CSNK1A1: variants seen among roughly 807,000 people sequenced by gnomAD.
CSNK1A1 encodes the protein casein kinase I isoform alpha.
A neutral mutation model predicts 46.1 loss-of-function variants in CSNK1A1; 7 were observed. The ratio of observed to expected loss-of-function variants is 0.15; its 90% CI spans 0.09 to 0.29. The LOEUF is 0.29. CSNK1A1 is among the 10% of genes least tolerant of loss of function. CSNK1A1 has a pLI of 1.00. For synonymous variants in CSNK1A1, 137 were observed against 141.5 expected (o/e 0.97, Z 0.23); for missense variants, 96 against 417.1 (o/e 0.23, Z 6.71).
At position 149,544,758 on chromosome 5, in the gene CSNK1A1, T is replaced by TATATATATATACAC. The variant is rs150989849; in HGVS notation, c.230+5316_230+5317insGTGTATATATATAT. ...AGCTTTATATATATATATATATATA[T>TATATATATATACAC]ATATATAGTTATTGACCAATCATGT... On this transcript the variant is annotated intron_variant, in intron 2 of 9. Transcript: ENST00000377843. 3.8e-3 allele frequency among the ~76,000 whole-genome samples: 490 copies of TATATATATATACAC among 129,254 alleles called. 9 individuals carry two copies. Among genetic ancestry groups the TATATATATATACAC allele is most frequent in the African/African-American group, 9.4e-3 (297 of 31,530 alleles). 84.8% of individuals were successfully genotyped at this position (129,254 alleles called of 152,430 possible). A position where few individuals can be genotyped will look rare whatever the true frequency, so the allele number is the denominator to read the frequency against.
chr5:149,503,433 T>G, intron 9 of CSNK1A1: 1 of 985,440 alleles, frequency 1.0e-6, no homozygotes, highest in Non-Finnish European at 1.2e-6. Flanking sequence ...TCAGTAGCAA[T>G]ACAGATGTAC....
At chr5:149,539,478 AAAAAG>A (rs897293529) in intron 2 of CSNK1A1, among the ~76,000 whole-genome samples, 3 of 151,862 alleles carry the variant, frequency 2.0e-5, no homozygotes, top group Non-Finnish European at 2.9e-5. Context: ...TAAAAAAAAA[AAAAAG>A]AAAGAAAAGA....
chr5:149,520,196 T>C (rs1162548787), intron 4 of CSNK1A1, 94 bp downstream of exon 4: 1 of 761,996 alleles, frequency 1.3e-6, no homozygotes, highest in Non-Finnish European at 2.2e-6. Context: ...AAATTCAACT[T>C]ACTATGGCTT....
chr5:149,546,734 T>G (rs1442689874), intron 2 of CSNK1A1, among the ~76,000 whole-genome samples: 3 of 152,108 alleles, frequency 2.0e-5, no homozygotes, highest in African/African-American at 7.2e-5. Context: ...AAAATCTAAA[T>G]TTTTTAAATT....
chr5:149,523,855 C>T (rs1206581289), intron 3 of CSNK1A1, among the ~76,000 whole-genome samples: 5 of 152,100 alleles, frequency 3.3e-5, no homozygotes, highest in East Asian at 1.9e-4. Flanking sequence ...TTGAAATAAA[C>T]GATAAGCTAT....
chr5:149,537,728 T>C (rs1018466073), intron 2 of CSNK1A1, among the ~76,000 whole-genome samples: 1 of 99,648 alleles, frequency 1.0e-5, no homozygotes, highest in Non-Finnish European at 2.0e-5. Context: ...ACAGCTGAGG[T>C]TGGAAAAATG....
At chr5:149,514,539 C>T (rs961945952) in intron 4 of CSNK1A1, among the ~76,000 whole-genome samples, 5 of 152,162 alleles carry the variant, frequency 3.3e-5, no homozygotes, top group Admixed American at 1.3e-4. Flanking sequence ...TCTCTAGTTA[C>T]TCCTAAATTT....
At chr5:149,529,489 C>T (rs940288082) in intron 2 of CSNK1A1, 1 of 239,276 alleles carries the variant, frequency 4.2e-6, no homozygotes, top group African/African-American at 2.3e-5. Flanking sequence ...ATGATTCACA[C>T]AAAAGATCAA....
chr5:149,506,090 C>T (rs1490445068), intron 8 of CSNK1A1, among the ~76,000 whole-genome samples: 1 of 151,874 alleles, frequency 6.6e-6, no homozygotes, highest in Non-Finnish European at 1.5e-5. Context: ...CCATACCCAG[C>T]TAATTTTTGT....
chr5:149,547,949 C>T (rs1393273760), intron 2 of CSNK1A1, among the ~76,000 whole-genome samples: 1 of 152,074 alleles, frequency 6.6e-6, no homozygotes, highest in Non-Finnish European at 1.5e-5. Flanking sequence ...CAGCTTACTG[C>T]AACCTCCGAC....
At chr5:149,501,936 AT>A in intron 9 of CSNK1A1, 1 of 941,308 alleles carries the variant, frequency 1.1e-6, no homozygotes, top group South Asian at 4.9e-5. Context: ...AAAAACAGTA[AT>A]TATAATCTTG....
chr5:149,511,450 T>A (rs573942616), intron 6 of CSNK1A1, among the ~76,000 whole-genome samples: 31 of 152,264 alleles, frequency 2.0e-4, no homozygotes, highest in African/African-American at 7.2e-4. Flanking sequence ...CAGGTCTTGC[T>A]GTACATAAAA....
At chr5:149,511,948 G>T in intron 5 of CSNK1A1, 76 bp from the exon 6 acceptor site, 1 of 1,108,424 alleles carries the variant, frequency 9.0e-7, no homozygotes, top group Non-Finnish European at 1.3e-6. Flanking sequence ...CAAGTACCCA[G>T]AAGAAATGTT....
rs551106498 is a variant in CSNK1A1, at chr5:149,539,612, TATTA to T, written c.230+10459_230+10462del. Among the ~76,000 whole-genome samples the T allele has an allele frequency of 5.0e-3, 762 of 152,260 alleles. 6 individuals carry two copies. The highest frequency in any genetic ancestry group is 0.017 in the African/African-American group (719 of 41,546). On this transcript the variant is annotated intron_variant, in intron 2 of 9. Coordinates refer to ENST00000377843, the MANE Select transcript of CSNK1A1 (RefSeq NM_001892.6). ...CTATATTTTGGGGATTAATAACAAT[TATTA>T]ATTGTTACATATCAGAATCACCTGG...
At position 149,545,612 on chromosome 5, in the gene CSNK1A1, T is replaced by C; in HGVS notation, c.230+4463A>G. The C allele has an allele frequency of 7.0e-6, 6 of 852,762 alleles. No individual in the cohort carries two copies. In the East Asian group the frequency reaches 1.1e-4, roughly 16 times the overall value. 52.8% of individuals were successfully genotyped at this position (852,762 alleles called of 1,614,324 possible). On this transcript the variant is annotated intron_variant, in intron 2 of 9. Transcript: ENST00000377843. ...TTTGGGATCTTGGGCTTAACCTCCT[T>C]GGGCTTTACGAGGGCCCTGCTAGCC... is the stretch of plus-strand genomic sequence containing the variant.
In CSNK1A1 at chr5:149,511,876, G is replaced by GA. The variant is rs772461323; in HGVS notation, c.597-5dup. 9.4e-6 allele frequency: 15 copies of GA among 1,597,734 alleles called. No homozygotes were observed. Among genetic ancestry groups the GA allele is most frequent in the African/African-American group, 4.0e-5 (3 of 74,218 alleles). ...TGATTCCATGTCATCTCGGCGACTA[G>GA]AAAAGAGAACGTAATTTTATAAACT... is the stretch of plus-strand genomic sequence containing the variant. On this transcript the variant is annotated splice_region_variant and splice_polypyrimidine_tract_variant and intron_variant, in intron 5 of 9. Transcript: ENST00000377843.
intron 8 of CSNK1A1, among the ~76,000 whole-genome samples, chr5:149,506,597 C>A (rs1486787657): frequency 6.6e-6 from 1 of 152,134 alleles, no homozygotes. Context: ...AATCTATTCC[C>A]CCCCCTTTTT....
chr5:149,507,240 C>T, intron 7 of CSNK1A1, 107 bp from the exon 8 acceptor site: 1 of 808,564 alleles, frequency 1.2e-6, no homozygotes, highest in Non-Finnish European at 1.9e-6. Flanking sequence ...GATATTTTAC[C>T]ATTTCATAGG....
chr5:149,540,785 TC>T (rs993372052), intron 2 of CSNK1A1, among the ~76,000 whole-genome samples: 7 of 152,082 alleles, frequency 4.6e-5, no homozygotes, highest in Non-Finnish European at 1.0e-4. Context: ...TATGCATTTG[TC>T]AAAACTGATC....
Sources: gnomAD v4.1 joint callset for allele counts (sites outside exome capture counted in the v4.1 genomes callset) on GRCh38, gnomAD v4.1.1 for gene constraint, MANE v1.5 for transcripts, NCBI Gene and HGNC (gene_info 2026-07-23, HGNC 2026-07-21) for gene names.